The following GNA14 variants were observed in gnomAD, a reference collection of about 807,000 sequenced individuals.
GNA14 encodes the protein guanine nucleotide-binding protein subunit alpha-14.
A neutral mutation model predicts 42.0 loss-of-function variants in GNA14; 50 were observed. That is an observed-to-expected ratio of 1.19 (90% CI 0.95 to 1.51). The LOEUF (loss-of-function observed/expected upper bound fraction) is 1.51, where lower values mean the gene tolerates loss of function less well. Among genes scored for constraint, GNA14 ranks in the 40% most tolerant of loss-of-function variants. The pLI is 0.00. For missense variants in GNA14, 473 were observed against 446.2 expected (o/e 1.06, Z -0.54); for synonymous variants, 173 against 163.1 (o/e 1.06, Z -0.46).
At chr9:77,537,715 T>C (rs1837614515) in intron 1 of GNA14, among the ~76,000 whole-genome samples, 1 of 152,222 alleles carries the variant, frequency 6.6e-6, no homozygotes, top group Admixed American at 6.5e-5. Context: ...ATGAGTTCCC[T>C]TTTCTCTGCA....
intron 1 of GNA14, among the ~76,000 whole-genome samples, chr9:77,566,918 T>C (rs1336056323): frequency 6.6e-6 from 1 of 152,146 alleles, no homozygotes; most frequent in Non-Finnish European, 1.5e-5. Context: ...GCTACGCTAA[T>C]TAAAAATAAT....
chr9:77,518,840 C>T (rs62573376), intron 2 of GNA14, among the ~76,000 whole-genome samples: 4 of 152,146 alleles, frequency 2.6e-5, no homozygotes, highest in Middle Eastern at 6.8e-3. Context: ...ATTACAGATG[C>T]CATTTTTTTA....
intron 1 of GNA14, among the ~76,000 whole-genome samples, chr9:77,611,937 C>A (rs1313123239): frequency 6.6e-6 from 1 of 151,924 alleles, no homozygotes; most frequent in Non-Finnish European, 1.5e-5. Flanking sequence ...CAGTTGCCCC[C>A]AAAATGTAAA....
At chr9:77,622,294 G>A (rs1020892335) in intron 1 of GNA14, among the ~76,000 whole-genome samples, 2 of 152,126 alleles carry the variant, frequency 1.3e-5, no homozygotes, top group Non-Finnish European at 2.9e-5. Flanking sequence ...TTGAAACTGA[G>A]ATCTAATTTT....
chr9:77,438,105 G>A (rs1835668168), intron 2 of GNA14, among the ~76,000 whole-genome samples: 1 of 152,166 alleles, frequency 6.6e-6, no homozygotes, highest in Non-Finnish European at 1.5e-5. Flanking sequence ...TGTCTGTTTA[G>A]CCGGGTGAGG....
At chr9:77,466,616 T>TTTTG (rs3052366) in intron 2 of GNA14, among the ~76,000 whole-genome samples, 24,432 of 151,874 alleles carry the variant, frequency 0.16, 2,564 homozygotes, top group East Asian at 0.36. Context: ...CAAGCCTGTT[T>TTTTG]TTTGTTTGTT....
intron 3 of GNA14, among the ~76,000 whole-genome samples, chr9:77,433,512 G>C (rs560664066): frequency 6.6e-6 from 1 of 151,642 alleles, no homozygotes; most frequent in Non-Finnish European, 1.5e-5. Context: ...TCAGCCTCCC[G>C]AGCAGCTGCC....
At chr9:77,484,948 G>GTT (rs1564028402) in intron 2 of GNA14, among the ~76,000 whole-genome samples, 3 of 151,132 alleles carry the variant, frequency 2.0e-5, no homozygotes, top group African/African-American at 7.3e-5. Context: ...CATACAGCAA[G>GTT]TTATAATCTT....
chr9:77,586,832 G>A (rs1823312843), intron 1 of GNA14, among the ~76,000 whole-genome samples: 1 of 152,142 alleles, frequency 6.6e-6, no homozygotes, highest in South Asian at 2.1e-4. Flanking sequence ...ACCCGTAGTT[G>A]ACCGAAAAAG....
At chr9:77,639,511 A>G (rs1307621366) in intron 1 of GNA14, among the ~76,000 whole-genome samples, 3 of 152,186 alleles carry the variant, frequency 2.0e-5, no homozygotes, top group East Asian at 3.9e-4. Context: ...CCTCCCCCCA[A>G]CAACCTGGTA....
intron 2 of GNA14, among the ~76,000 whole-genome samples, chr9:77,459,518 A>G (rs1836068449): frequency 6.6e-6 from 1 of 151,814 alleles, no homozygotes; most frequent in Non-Finnish European, 1.5e-5. Context: ...TTCCTCCCCA[A>G]CATACGGCCC....
At chr9:77,456,686 T>C (rs1019392954) in intron 2 of GNA14, among the ~76,000 whole-genome samples, 1 of 152,140 alleles carries the variant, frequency 6.6e-6, no homozygotes, top group Admixed American at 6.5e-5. Context: ...TATGAAAAAC[T>C]AGAGTTGATA....
intron 1 of GNA14, among the ~76,000 whole-genome samples, chr9:77,586,963 A>G (rs958220611): frequency 1.4e-5 from 2 of 141,928 alleles, no homozygotes; most frequent in Non-Finnish European, 3.0e-5. Context: ...CTGCAGCTCG[A>G]TTTTACAGGC....
chr9:77,440,152 C>A (rs1835708342), intron 2 of GNA14, among the ~76,000 whole-genome samples: 1 of 152,268 alleles, frequency 6.6e-6, no homozygotes, highest in Non-Finnish European at 1.5e-5. Context: ...TTTCCTTTCT[C>A]AAACAAAATC....
At chr9:77,609,787 G>A (rs2117941400) in intron 1 of GNA14, among the ~76,000 whole-genome samples, 1 of 152,276 alleles carries the variant, frequency 6.6e-6, no homozygotes, top group African/African-American at 2.4e-5. Context: ...TGAGCGCTTT[G>A]AACAAATGTG....
chr9:77,558,295 T>C lies in GNA14; in HGVS notation c.125-29042A>G, dbSNP rs79167638. Among the ~76,000 whole-genome samples the C allele has an allele frequency of 2.9e-4, 39 of 135,510 alleles. No homozygotes were observed. The South Asian group carries it at 5.7e-3, about 20-fold the overall frequency. 88.9% of individuals were successfully genotyped at this position (135,510 alleles called of 152,430 possible). On this transcript the variant is annotated intron_variant, in intron 1 of 6. Transcript: ENST00000341700. ...AGAACAGATAGATCAGATAGATAGA[T>C]AGACAGACAGACAGACAAATAGATA...
chr9:77,426,919 T>G (rs1339668570), intron 5 of GNA14, among the ~76,000 whole-genome samples: 1 of 152,166 alleles, frequency 6.6e-6, no homozygotes, highest in Non-Finnish European at 1.5e-5. Context: ...CATAAATCAC[T>G]CTTTCCCCAC....
intron 1 of GNA14, among the ~76,000 whole-genome samples, chr9:77,600,233 T>TAC (rs1340816607): frequency 1.3e-5 from 2 of 152,216 alleles, no homozygotes; most frequent in Admixed American, 1.3e-4. Flanking sequence ...AAAGCCAAAG[T>TAC]ACACCCCTTT....
intron 2 of GNA14, among the ~76,000 whole-genome samples, chr9:77,446,966 AT>A (rs72399683): frequency 0.15 from 22,564 of 145,982 alleles, 1,779 homozygotes; most frequent in East Asian, 0.35. Context: ...TTCATGTACA[AT>A]TTTTTTTTTT....
Sources: gnomAD v4.1 joint callset for allele counts (sites outside exome capture counted in the v4.1 genomes callset) on GRCh38, gnomAD v4.1.1 for gene constraint, MANE v1.5 for transcripts, NCBI Gene and HGNC (gene_info 2026-07-23, HGNC 2026-07-21) for gene names.